Variants in NIN observed in about 807,000 individuals in gnomAD.
NIN encodes the protein ninein, also known as glycogen synthase kinase 3 beta-interacting protein.
NIN carries 137 observed loss-of-function variants against 257.6 expected under a neutral mutation model. That is an observed-to-expected ratio of 0.53 (90% CI 0.46 to 0.61). The LOEUF (loss-of-function observed/expected upper bound fraction) is 0.61, where lower values mean the gene tolerates loss of function less well. Among genes scored for constraint, NIN ranks in the 20% least tolerant of loss-of-function variants. The pLI, the probability that NIN is intolerant of heterozygous loss-of-function variation, is 0.00. For missense variants in NIN, 2,439 were observed against 2,501.2 expected, an observed-to-expected ratio of 0.98 and a Z score of 0.53; for synonymous variants, 918 against 919.8, an observed-to-expected ratio of 1.00 and a Z score of 0.04.
In NIN at chr14:50,793,244, A is replaced by T. The variant is rs376316904; in HGVS notation, c.266-363T>A. Among the ~76,000 whole-genome samples, 8 of 152,190 alleles carry T rather than the reference A, an allele frequency of 5.3e-5. No homozygotes were observed. The East Asian group carries it at 1.5e-3, about 29-fold the overall frequency. On this transcript the variant is annotated intron_variant, in intron 4 of 30. Transcript: ENST00000530997. ...ATGGGGAGACATCATATTAACAAAG[A>T]GACACCTTGGAGGAAGTCTTAGAAA...
intron 4 of NIN, among the ~76,000 whole-genome samples, chr14:50,804,748 G>A (rs1199377839): frequency 2.6e-5 from 4 of 151,814 alleles, no homozygotes; most frequent in Non-Finnish European, 5.9e-5. Context: ...GAATTGTCTT[G>A]GGCCACACAT....
intron 4 of NIN, among the ~76,000 whole-genome samples, chr14:50,798,726 T>G (rs1457487867): frequency 1.3e-5 from 2 of 152,228 alleles, no homozygotes; most frequent in Non-Finnish European, 2.9e-5. Flanking sequence ...GGCACCACTT[T>G]CATGGAACCG....
chr14:50,800,564 C>T (rs937985376), intron 4 of NIN, among the ~76,000 whole-genome samples: 3 of 152,118 alleles, frequency 2.0e-5, no homozygotes, highest in Non-Finnish European at 2.9e-5. Flanking sequence ...TAATTATTTA[C>T]ATAGCATAAA....
chr14:50,797,762 G>A (rs1171589703), intron 4 of NIN, among the ~76,000 whole-genome samples: 1 of 152,130 alleles, frequency 6.6e-6, no homozygotes, highest in Non-Finnish European at 1.5e-5. Context: ...CTGACACAGA[G>A]AGACAGATAT....
At chr14:50,749,493 C>T (rs1490094365) in intron 21 of NIN, among the ~76,000 whole-genome samples, 3 of 152,124 alleles carry the variant, frequency 2.0e-5, no homozygotes, top group African/African-American at 4.8e-5. Context: ...TGAGACTATA[C>T]AAATTCTATT....
At position 50,746,394 on chromosome 14, in the gene NIN, A is replaced by G. The variant is rs79102165; in HGVS notation, c.5064+1598T>C. Among the ~76,000 whole-genome samples the G allele has an allele frequency of 8.0e-3, 1,222 of 152,352 alleles. 19 individuals carry two copies. Among genetic ancestry groups the G allele is most frequent in the African/African-American group, 0.027 (1,137 of 41,576 alleles). On this transcript the variant is annotated intron_variant, in intron 22 of 30. Coordinates refer to ENST00000530997, the MANE Select transcript of NIN (RefSeq NM_020921.4). ...ACATGCATTTTGCATAGCAGTAGTT[A>G]ACTTGAAAAGGTTCTTATAAAGCAC... is the stretch of plus-strand genomic sequence containing the variant.
rs779370793 is a variant in NIN at position 50,773,091 on chromosome 14, A to G, written c.671T>C (p.Leu224Pro). ...ATCAAGATTATGGAATACTTCCTCG[A>G]GCATCTAGAAAAGAGTCATCACATA... ...YGLQNVDGEM[L>P]EEVFHNLDPD... is the part of the protein sequence containing the mutation. Residue 224 changes from leucine to proline, a missense_variant, in exon 8 of 31, where the codon CTC becomes CCC. Leu to Pro is a moderately conservative substitution (Grantham distance 98). Coordinates refer to ENST00000530997, the MANE Select transcript of NIN (RefSeq NM_020921.4). 7 of 1,610,376 alleles carry G rather than the reference A, an allele frequency of 4.3e-6. No individual in the cohort carries two copies. The highest frequency in any genetic ancestry group is 5.9e-6 in the Non-Finnish European group (7 of 1,178,198).
Position 50,723,299 on chromosome 14 carries a change from C to T in NIN, c.*164G>A. The T allele has an allele frequency of 2.0e-6, 1 of 507,978 alleles. No homozygotes were observed. Among genetic ancestry groups the T allele is most frequent in the Non-Finnish European group, 3.4e-6 (1 of 291,824 alleles). 31.5% of individuals were successfully genotyped at this position (507,978 alleles called of 1,614,324 possible). A position where few individuals can be genotyped will look rare whatever the true frequency, so the allele number is the denominator to read the frequency against. On this transcript the variant is annotated 3_prime_UTR_variant, in exon 31 of 31. Transcript: ENST00000530997. ...AGTGAAATATGTGAGTATTTATTTTCAAACTCCCATAAGGGTCTATTTAGA... is the reference window on the plus strand; with the variant it reads ...AGTGAAATATGTGAGTATTTATTTTTAAACTCCCATAAGGGTCTATTTAGA...
At position 50,805,365 on chromosome 14, in the gene NIN, T is replaced by C. The variant is rs546920699; in HGVS notation, c.265+1372A>G. ...TCACCTGTGGAAACGCTAATGTTTG[T>C]CTGGAAAATTTCAAGAATGCAATAA... On this transcript the variant is annotated intron_variant, in intron 4 of 30. Transcript: ENST00000530997. Among the ~76,000 whole-genome samples, 7 of 152,324 alleles carry C rather than the reference T, an allele frequency of 4.6e-5. No homozygotes were observed. In the South Asian group the frequency reaches 1.5e-3, roughly 32 times the overall value.
chr14:50,732,364 C>T (rs2040755536), intron 28 of NIN, among the ~76,000 whole-genome samples: 2 of 152,228 alleles, frequency 1.3e-5, no homozygotes, highest in Admixed American at 6.5e-5. Context: ...ATGTACCTAT[C>T]CCTCAGGTGA....
chr14:50,773,027 A>G lies in NIN; in HGVS notation c.735T>C (p.Gly245=), dbSNP rs1595837078. 6.2e-7 allele frequency: 1 copy of G among 1,613,024 alleles called. No homozygotes were observed. Among genetic ancestry groups the G allele is most frequent in the East Asian group, 2.2e-5 (1 of 44,850 alleles). ...TAAGAGATTTTCCATTTTTAAACAA[A>G]CCATAGAAAAAATCTTCTACACTCA... ...GTMSVEDFFY[G]LFKNGKSLTP... Residue 245 remains glycine (G), a synonymous_variant, in exon 8 of 31, where the codon GGT becomes GGC. Transcript: ENST00000530997.
At chr14:50,829,037 G>C (rs893141262) in intron 2 of NIN, among the ~76,000 whole-genome samples, 4 of 152,120 alleles carry the variant, frequency 2.6e-5, no homozygotes, top group African/African-American at 9.7e-5. Flanking sequence ...TAACTTTGCC[G>C]ATGTCCAACC....
chr14:50,779,871 A>G, intron 5 of NIN, among the ~76,000 whole-genome samples: 1 of 152,238 alleles, frequency 6.6e-6, no homozygotes, highest in East Asian at 1.9e-4. Context: ...GCAACTTAAA[A>G]TAAGTAGGCT....
At chr14:50,733,869 T>G (rs1302303896) in intron 28 of NIN, among the ~76,000 whole-genome samples, 2 of 152,180 alleles carry the variant, frequency 1.3e-5, no homozygotes, top group Non-Finnish European at 2.9e-5. Flanking sequence ...TGGTTTAGAC[T>G]TCACTAAAAC....
chr14:50,760,083 T>C lies in NIN; in HGVS notation c.2173A>G (p.Met725Val), dbSNP rs758202509. The C allele has an allele frequency of 2.5e-6, 4 of 1,614,176 alleles. No homozygotes were observed. Among genetic ancestry groups the C allele is most frequent in the South Asian group, 1.1e-5 (1 of 91,082 alleles). The change falls in exon 17 of 31, where the codon ATG (methionine) becomes GTG (valine). Residue 725 changes from methionine (M) to valine (V), a missense_variant. By Grantham distance (21) the Met-to-Val change is conservative. Transcript: ENST00000530997. Reference protein sequence around the residue: ...LQEKLRLQHEMELKARLTQAQ... With the variant: ...LQEKLRLQHEVELKARLTQAQ... ...TGTGTCAGTCTAGCCTTGAGCTCCA[T>C]CTCATGTTGCAGCCTCAGCTTCTCC... is the stretch of plus-strand genomic sequence containing the variant.
At position 50,779,064 on chromosome 14, in the gene NIN, C is replaced by T. The variant is rs570350587; in HGVS notation, c.436-260G>A. 2.0e-5 allele frequency among the ~76,000 whole-genome samples: 3 copies of T among 152,318 alleles called. No individual in the cohort carries two copies. The South Asian group carries it at 6.2e-4, about 32-fold the overall frequency. On this transcript the variant is annotated intron_variant, in intron 5 of 30. Coordinates refer to ENST00000530997, the MANE Select transcript of NIN (RefSeq NM_020921.4). ...GTCCTCATTTGCTAGGTCACTTATT[C>T]AACAGCAAAACCTATCACAACCAAT...
At chr14:50,731,506 G>C (rs1258533909) in intron 28 of NIN, among the ~76,000 whole-genome samples, 1 of 141,316 alleles carries the variant, frequency 7.1e-6, no homozygotes. Context: ...ACTCCAGCCT[G>C]GGTGACAGTG....
At chr14:50,796,377 AAC>A (rs2043839330) in intron 4 of NIN, among the ~76,000 whole-genome samples, 1 of 152,218 alleles carries the variant, frequency 6.6e-6, no homozygotes, top group Admixed American at 6.5e-5. Context: ...ACCTTGCTTC[AAC>A]CCTCCACTGG....
intron 4 of NIN, among the ~76,000 whole-genome samples, chr14:50,803,028 T>A (rs1228625181): frequency 2.6e-5 from 4 of 152,120 alleles, no homozygotes; most frequent in African/African-American, 9.7e-5. Context: ...AAGACTACCA[T>A]CTCCATTGAT....
Sources: gnomAD v4.1 joint callset for allele counts (sites outside exome capture counted in the v4.1 genomes callset) on GRCh38, gnomAD v4.1.1 for gene constraint, MANE v1.5 for transcripts, NCBI Gene and HGNC (gene_info 2026-07-23, HGNC 2026-07-21) for gene names.